SORCS1: variants seen among roughly 807,000 people sequenced by gnomAD.
SORCS1 encodes VPS10 domain-containing receptor SorCS1.
In SORCS1, 60 loss-of-function variants were observed where a neutral mutation model predicts 146.1. That is an observed-to-expected ratio of 0.41 (90% CI 0.33 to 0.51). The LOEUF is 0.51. SORCS1 is among the 20% of genes least tolerant of loss of function. SORCS1 has a pLI of 0.21. For synonymous variants in SORCS1, 637 were observed against 584.0 expected (o/e 1.09, Z -1.31); for missense variants, 1,352 against 1,487.6 (o/e 0.91, Z 1.50).
chr10:106,957,723 G>A (rs765848855), intron 1 of SORCS1, among the ~76,000 whole-genome samples: 11 of 152,172 alleles, frequency 7.2e-5, no homozygotes, highest in Non-Finnish European at 1.6e-4. Flanking sequence ...GAAAGAAGCC[G>A]TAGAATTGTG....
chr10:106,612,200 TG>T (rs956516902), intron 21 of SORCS1, among the ~76,000 whole-genome samples, 177 bp from the exon 22 acceptor site: 16 of 152,076 alleles, frequency 1.1e-4, no homozygotes, highest in Non-Finnish European at 2.2e-4. Flanking sequence ...TTTCTTTTTT[TG>T]TTTGTTTTAA....
At chr10:107,026,530 A>T (rs1481152624) in intron 1 of SORCS1, among the ~76,000 whole-genome samples, 2 of 152,050 alleles carry the variant, frequency 1.3e-5, no homozygotes, top group African/African-American at 4.8e-5. Flanking sequence ...AGGCAGGAGA[A>T]TGGCGTGAAC....
chr10:106,870,591 G>T (rs1950370853), intron 2 of SORCS1, among the ~76,000 whole-genome samples: 2 of 152,222 alleles, frequency 1.3e-5, no homozygotes, highest in Admixed American at 6.5e-5. Context: ...ATAGGGAAAA[G>T]ACTTTGTATT....
At chr10:106,854,299 T>C (rs1949699611) in intron 2 of SORCS1, among the ~76,000 whole-genome samples, 1 of 152,244 alleles carries the variant, frequency 6.6e-6, no homozygotes, top group South Asian at 2.1e-4. Flanking sequence ...GTTAGCATGG[T>C]ATATCATTCT....
chr10:106,767,371 G>C (rs938289353), intron 4 of SORCS1, among the ~76,000 whole-genome samples: 1 of 152,144 alleles, frequency 6.6e-6, no homozygotes, highest in African/African-American at 2.4e-5. Context: ...TGGGAAGGGA[G>C]GGCCAATATA....
the SORCS1 span, among the ~76,000 whole-genome samples, chr10:107,171,514 C>CTTTTTTTTT: frequency 8.5e-6 from 1 of 117,272 alleles, no homozygotes. Flanking sequence ...GGGAATCCCC[C>CTTTTTTTTT]TTTTTTTTTT....
chr10:107,005,809 T>G (rs926287614), intron 1 of SORCS1, among the ~76,000 whole-genome samples: 10 of 152,246 alleles, frequency 6.6e-5, no homozygotes, highest in African/African-American at 2.4e-4. Context: ...ATATTAAAAT[T>G]ATATGAAGAT....
intron 2 of SORCS1, among the ~76,000 whole-genome samples, chr10:106,859,342 CTCT>C (rs1349017232): frequency 1.3e-5 from 2 of 152,194 alleles, no homozygotes; most frequent in East Asian, 3.9e-4. Flanking sequence ...TATCCTTTCA[CTCT>C]TCTTTCAGCC....
chr10:107,146,304 T>G (rs189600247), intron 1 of SORCS1, among the ~76,000 whole-genome samples: 1 of 148,734 alleles, frequency 6.7e-6, no homozygotes, highest in African/African-American at 2.5e-5. Flanking sequence ...TTTACGGTAT[T>G]TAAACCATGA....
chr10:107,038,695 G>GC (rs1265419664), intron 1 of SORCS1, among the ~76,000 whole-genome samples: 1 of 66,866 alleles, frequency 1.5e-5, no homozygotes, highest in Non-Finnish European at 3.1e-5. Flanking sequence ...TGGGCAGGGG[G>GC]CGGGGGGGGA....
chr10:107,032,451 G>T (rs1233563037), intron 1 of SORCS1, among the ~76,000 whole-genome samples: 2 of 151,986 alleles, frequency 1.3e-5, no homozygotes, highest in Non-Finnish European at 2.9e-5. Flanking sequence ...TCACATTCTG[G>T]GTAGACCAGG....
intron 1 of SORCS1, among the ~76,000 whole-genome samples, chr10:107,021,389 C>T (rs1958125334): frequency 6.6e-6 from 1 of 151,346 alleles, no homozygotes. Flanking sequence ...TGGCGGGTGC[C>T]TGTAGTCCCA....
rs1191296212 is a variant in SORCS1 at position 106,806,505 on chromosome 10, C to CTTT, written c.726+23066_726+23068dup. Reference sequence around the variant, plus strand: ...CAGCCCTTCTGATGAGAGAGGAAGCCTTTTTTTTTTTTTTTTTTTTTTTTT... The same window carrying CTTT: ...CAGCCCTTCTGATGAGAGAGGAAGCCTTTTTTTTTTTTTTTTTTTTTTTTTTTT... On this transcript the variant is annotated intron_variant, in intron 3 of 25. Transcript: ENST00000263054. Among the ~76,000 whole-genome samples, 38 of 70,448 alleles carry CTTT rather than the reference C, an allele frequency of 5.4e-4. 10 individuals carry two copies. The highest frequency in any genetic ancestry group is 1.5e-3 in the African/African-American group (23 of 15,758). 46.2% of individuals were successfully genotyped at this position (70,448 alleles called of 152,430 possible). A position where few individuals can be genotyped will look rare whatever the true frequency, so the allele number is the denominator to read the frequency against.
At chr10:106,968,618 AT>A (rs1955623175) in intron 1 of SORCS1, among the ~76,000 whole-genome samples, 1 of 152,202 alleles carries the variant, frequency 6.6e-6, no homozygotes, top group Non-Finnish European at 1.5e-5. Flanking sequence ...AAAAAGTATT[AT>A]TTTTCAAGGT....
chr10:106,730,737 G>A (rs1401298670), intron 5 of SORCS1, among the ~76,000 whole-genome samples: 1 of 152,108 alleles, frequency 6.6e-6, no homozygotes, highest in Non-Finnish European at 1.5e-5. Flanking sequence ...ATATTATTTT[G>A]TGTAATCCTG....
At chr10:106,889,011 A>G (rs565491394) in intron 2 of SORCS1, among the ~76,000 whole-genome samples, 2 of 152,372 alleles carry the variant, frequency 1.3e-5, no homozygotes, top group South Asian at 2.1e-4. Context: ...GGTCATTCCA[A>G]TAAACGCTTT....
At chr10:107,148,318 G>T (rs2134785861) in intron 1 of SORCS1, among the ~76,000 whole-genome samples, 1 of 152,330 alleles carries the variant, frequency 6.6e-6, no homozygotes, top group East Asian at 1.9e-4. Flanking sequence ...GAGCTATACG[G>T]TCTCTGTCAC....
At chr10:106,977,589 A>ATAT (rs1554901980) in intron 1 of SORCS1, among the ~76,000 whole-genome samples, 1 of 133,450 alleles carries the variant, frequency 7.5e-6, no homozygotes, top group African/African-American at 2.8e-5. Context: ...CATTCATTGG[A>ATAT]TTTTTTTTTT....
chr10:106,744,438 T>A (rs1857575171), intron 5 of SORCS1, among the ~76,000 whole-genome samples: 1 of 152,198 alleles, frequency 6.6e-6, no homozygotes, highest in Non-Finnish European at 1.5e-5. Flanking sequence ...GCTGCACTGA[T>A]GATCTTTGTA....
Sources: allele counts gnomAD v4.1 joint callset (sites outside exome capture counted in the v4.1 genomes callset), GRCh38; gene constraint gnomAD v4.1.1; transcripts MANE v1.5; gene names NCBI Gene and HGNC (gene_info 2026-07-23, HGNC 2026-07-21).